FCHO2: variants seen among roughly 807,000 people sequenced by gnomAD.
FCHO2 encodes FCH and mu domain containing endocytic adaptor 2.
Under a neutral mutation model 114.1 loss-of-function variants are expected in FCHO2, and 43 were observed. The observed-to-expected ratio is 0.38, with a 90% CI of 0.30 to 0.49. The LOEUF (loss-of-function observed/expected upper bound fraction) is 0.49. Among genes scored for constraint, FCHO2 ranks in the 20% least tolerant of loss-of-function variants. FCHO2 has a pLI of 0.97. For missense variants in FCHO2, 807 were observed against 950.4 expected, an observed-to-expected ratio of 0.85 and a Z score of 1.98; for synonymous variants, 293 against 315.2, an observed-to-expected ratio of 0.93 and a Z score of 0.75.
intron 6 of FCHO2, among the ~76,000 whole-genome samples, chr5:73,011,998 G>A (rs930500912): frequency 2.0e-5 from 3 of 151,900 alleles, no homozygotes; most frequent in Admixed American, 6.6e-5. Flanking sequence ...TACAGTTATT[G>A]TTTTTTCTAA....
At chr5:73,023,444 G>T (rs1755739261) in intron 8 of FCHO2, among the ~76,000 whole-genome samples, 1 of 152,214 alleles carries the variant, frequency 6.6e-6, no homozygotes, top group African/African-American at 2.4e-5. Context: ...GCTCACGCCT[G>T]TAATCCCAGC....
intron 8 of FCHO2, among the ~76,000 whole-genome samples, chr5:73,019,002 A>G (rs1755464907): frequency 6.6e-6 from 1 of 152,208 alleles, no homozygotes; most frequent in Non-Finnish European, 1.5e-5. Flanking sequence ...CAATAGCTTG[A>G]TTCACTGAAG....
At chr5:73,045,528 AT>A (rs997284351) in intron 11 of FCHO2, among the ~76,000 whole-genome samples, 11 of 152,140 alleles carry the variant, frequency 7.2e-5, no homozygotes, top group African/African-American at 2.7e-4. Context: ...TTGTTTTTCA[AT>A]TTTTGGCTAT....
intron 15 of FCHO2, among the ~76,000 whole-genome samples, chr5:73,055,632 A>T (rs1467423791): frequency 1.3e-5 from 2 of 152,214 alleles, no homozygotes; most frequent in East Asian, 3.8e-4. Context: ...TCAAAATATG[A>T]CATCCTCAAG....
intron 25 of FCHO2, 68 bp from the exon 26 acceptor site, chr5:73,088,000 C>T: frequency 5.0e-6 from 8 of 1,594,852 alleles, no homozygotes; most frequent in Non-Finnish European, 6.9e-6. Context: ...TATTGGTAAC[C>T]ACAGTGGAAA....
chr5:72,964,190 A>G (rs1752051559), intron 1 of FCHO2, among the ~76,000 whole-genome samples: 1 of 152,144 alleles, frequency 6.6e-6, no homozygotes, highest in African/African-American at 2.4e-5. Context: ...ATATTTATTT[A>G]GATAGCTTTA....
At chr5:73,083,927 T>C (rs907598573) in intron 24 of FCHO2, among the ~76,000 whole-genome samples, 1 of 150,544 alleles carries the variant, frequency 6.6e-6, no homozygotes, top group Non-Finnish European at 1.5e-5. Flanking sequence ...CCTTGCCTTC[T>C]GCAGTTCTCT....
chr5:73,054,414 C>A, intron 14 of FCHO2, 111 bp from the exon 15 acceptor site: 1 of 965,794 alleles, frequency 1.0e-6, no homozygotes, highest in Non-Finnish European at 1.6e-6. Context: ...TACAATTGAG[C>A]AGATATACTA....
intron 5 of FCHO2, chr5:72,996,874 C>T (rs1330778141): frequency 2.8e-6 from 4 of 1,439,812 alleles, no homozygotes; most frequent in African/African-American, 1.4e-5. Flanking sequence ...CGGGGGCCCC[C>T]GGGGCCGGCG....
At chr5:73,040,090 A>ATCT (rs1756734287) in intron 10 of FCHO2, among the ~76,000 whole-genome samples, 1 of 152,134 alleles carries the variant, frequency 6.6e-6, no homozygotes, top group Admixed American at 6.5e-5. Flanking sequence ...TCCTTTAAGA[A>ATCT]AATTCTTCAA....
chr5:73,019,736 C>T (rs1755510854), intron 8 of FCHO2, among the ~76,000 whole-genome samples: 1 of 152,184 alleles, frequency 6.6e-6, no homozygotes, highest in Non-Finnish European at 1.5e-5. Flanking sequence ...GGGTGTCCAG[C>T]TGCCTTGATA....
intron 13 of FCHO2, 29 bp downstream of exon 13, chr5:73,052,536 T>C: frequency 6.6e-7 from 1 of 1,516,250 alleles, no homozygotes; most frequent in South Asian, 1.3e-5. Context: ...GTACTCTTTA[T>C]ATAAAAGTCT....
chr5:73,084,591 A>T (rs1018718150), intron 24 of FCHO2, among the ~76,000 whole-genome samples: 9 of 152,022 alleles, frequency 5.9e-5, no homozygotes, highest in Non-Finnish European at 1.0e-4. Flanking sequence ...CCTCTATTTG[A>T]TAGGTTTTTT....
intron 22 of FCHO2, among the ~76,000 whole-genome samples, chr5:73,079,464 C>T (rs992922513): frequency 2.0e-5 from 3 of 152,006 alleles, no homozygotes; most frequent in East Asian, 1.9e-4. Context: ...GCAATGTGGA[C>T]GTGATGAATT....
At chr5:73,027,018 G>GTTTTTTTTT (rs1369730233) in intron 8 of FCHO2, among the ~76,000 whole-genome samples, 4 of 107,112 alleles carry the variant, frequency 3.7e-5, no homozygotes, top group South Asian at 2.9e-4. Flanking sequence ...TTGTTTGTTT[G>GTTTTTTTTT]TTTTTTTTTT....
intron 3 of FCHO2, among the ~76,000 whole-genome samples, chr5:72,989,769 T>C (rs1753726571): frequency 6.6e-6 from 1 of 152,200 alleles, no homozygotes; most frequent in Non-Finnish European, 1.5e-5. Context: ...AATGTTATCT[T>C]ATGCACATGC....
chr5:73,072,644 A>G (rs1403095146), intron 19 of FCHO2, among the ~76,000 whole-genome samples: 4 of 152,116 alleles, frequency 2.6e-5, no homozygotes, highest in African/African-American at 9.7e-5. Flanking sequence ...TAAGTTAAAT[A>G]CTGTATGCTT....
chr5:73,074,896 T>C (rs755112197), intron 20 of FCHO2, 43 bp downstream of exon 20: 4 of 1,491,718 alleles, frequency 2.7e-6, no homozygotes, highest in South Asian at 1.2e-5. Context: ...TGTATGTGTG[T>C]TGGGTGGAGG....
At chr5:72,997,032 A>G (rs1754157030) in intron 5 of FCHO2, 1 of 1,426,954 alleles carries the variant, frequency 7.0e-7, no homozygotes, top group East Asian at 2.3e-5. Context: ...ATTCAGCACC[A>G]AACTGTTCGA....
Sources: allele counts gnomAD v4.1 joint callset (sites outside exome capture counted in the v4.1 genomes callset), GRCh38; gene constraint gnomAD v4.1.1; transcripts MANE v1.5; gene names NCBI Gene and HGNC (gene_info 2026-07-23, HGNC 2026-07-21).